Variants in FHIT observed in about 807,000 individuals in gnomAD.
FHIT encodes the protein bis(5'-adenosyl)-triphosphatase.
Under a neutral mutation model 17.9 loss-of-function variants are expected in FHIT, and 19 were observed. The observed-to-expected ratio is 1.06, with a 90% CI of 0.74 to 1.56. FHIT has a LOEUF of 1.56. FHIT is among the 40% of genes most tolerant of loss of function. The pLI is 0.00. For synonymous variants in FHIT, 81 were observed against 69.7 expected (o/e 1.16, Z -0.81); for missense variants, 248 against 189.2 (o/e 1.31, Z -1.82).
Position 60,256,921 on chromosome 3 carries a change from C to G in FHIT, c.104-242769G>C, listed in dbSNP as rs144899488. On this transcript the variant is annotated intron_variant, in intron 5 of 9. Transcript: ENST00000492590. ...AACCTACGCAATGTCTAGGTCTGTT[C>G]AGTGTCTTCAAGGTATTTTACAACT... Among the ~76,000 whole-genome samples, 7 of 152,266 alleles carry G rather than the reference C, an allele frequency of 4.6e-5. No individual in the cohort carries two copies. The East Asian group carries it at 1.3e-3, about 29-fold the overall frequency.
chr3:60,746,595 G>A (rs1005649056), intron 4 of FHIT, among the ~76,000 whole-genome samples: 6 of 152,188 alleles, frequency 3.9e-5, no homozygotes, highest in Non-Finnish European at 7.3e-5. Context: ...AAGGAAGAGA[G>A]AGTAAGAAGG....
At chr3:61,093,523 T>C (rs917714173) in intron 2 of FHIT, among the ~76,000 whole-genome samples, 1 of 151,814 alleles carries the variant, frequency 6.6e-6, no homozygotes, top group Non-Finnish European at 1.5e-5. Context: ...CAGAAAGAGA[T>C]TGAGAAAGAG....
chr3:59,815,453 C>T (rs541378955), intron 8 of FHIT, among the ~76,000 whole-genome samples: 19 of 152,102 alleles, frequency 1.2e-4, no homozygotes, highest in Admixed American at 9.8e-4. Context: ...CAGAATAATT[C>T]GCAATTGCAA....
chr3:60,195,309 G>A (rs962655089), intron 5 of FHIT, among the ~76,000 whole-genome samples: 10 of 151,830 alleles, frequency 6.6e-5, no homozygotes, highest in African/African-American at 2.4e-4. Context: ...CACTTCTGGT[G>A]GAAATGAAAT....
At position 59,934,558 on chromosome 3, in the gene FHIT, G is replaced by A. The variant is rs74278834; in HGVS notation, c.280-12144C>T. 9.0e-3 allele frequency among the ~76,000 whole-genome samples: 1,374 copies of A among 152,256 alleles called. 35 individuals carry two copies. The highest frequency in any genetic ancestry group is 0.085 in the East Asian group (442 of 5,172). On this transcript the variant is annotated intron_variant, in intron 7 of 9. Transcript: ENST00000492590. ...CTTAAAGCTATTTAATGAGAAGAGA[G>A]TAGATGTATTAGTCTGTTCTCACAC... is the stretch of plus-strand genomic sequence containing the variant.
intron 5 of FHIT, among the ~76,000 whole-genome samples, chr3:60,162,644 T>A (rs1402248167): frequency 6.6e-6 from 1 of 152,200 alleles, no homozygotes; most frequent in Non-Finnish European, 1.5e-5. Flanking sequence ...ATGAAATGCA[T>A]TTCATTTTTA....
chr3:61,102,460 A>G (rs971260542), intron 2 of FHIT, among the ~76,000 whole-genome samples: 3 of 152,148 alleles, frequency 2.0e-5, no homozygotes, highest in Non-Finnish European at 4.4e-5. Flanking sequence ...GTTTGCCAGT[A>G]TTTTATTGAG....
intron 1 of FHIT, among the ~76,000 whole-genome samples, chr3:61,203,024 C>G (rs2039078649): frequency 6.6e-6 from 1 of 151,862 alleles, no homozygotes; most frequent in Admixed American, 6.6e-5. Flanking sequence ...ACTAAAAATA[C>G]AAAAAATTAG....
chr3:59,853,408 A>G (rs553726368), intron 8 of FHIT, among the ~76,000 whole-genome samples: 75 of 152,326 alleles, frequency 4.9e-4, no homozygotes, highest in African/African-American at 1.8e-3. Context: ...ACTTTCTATC[A>G]TTGAGGTACA....
intron 2 of FHIT, among the ~76,000 whole-genome samples, chr3:61,137,513 G>T (rs1489979082): frequency 5.9e-5 from 9 of 151,930 alleles, no homozygotes; most frequent in African/African-American, 1.9e-4. Context: ...TGCAATCACT[G>T]GTGTACTTGC....
At chr3:60,733,703 C>G (rs1476491286) in intron 4 of FHIT, among the ~76,000 whole-genome samples, 1 of 152,186 alleles carries the variant, frequency 6.6e-6, no homozygotes, top group Non-Finnish European at 1.5e-5. Flanking sequence ...TATGTATGCT[C>G]TGTGGTCCAT....
At chr3:60,208,829 T>C (rs573515774) in intron 5 of FHIT, among the ~76,000 whole-genome samples, 73 of 152,254 alleles carry the variant, frequency 4.8e-4, no homozygotes, top group African/African-American at 1.5e-3. Flanking sequence ...CAGAGAGCCA[T>C]TTAGCTCTAA....
chr3:59,855,937 C>T (rs1196431211), intron 8 of FHIT, among the ~76,000 whole-genome samples: 3 of 106,302 alleles, frequency 2.8e-5, no homozygotes, highest in East Asian at 2.9e-4. Flanking sequence ...CCCGCCACCA[C>T]GCCCGGCTAA....
At chr3:61,041,245 G>A (rs1468752030) in intron 3 of FHIT, among the ~76,000 whole-genome samples, 4 of 151,808 alleles carry the variant, frequency 2.6e-5, no homozygotes, top group African/African-American at 4.8e-5. Flanking sequence ...TAGGTGTGGT[G>A]GCACGCCTCT....
chr3:59,996,627 C>T (rs566779289), intron 7 of FHIT, among the ~76,000 whole-genome samples: 7 of 152,106 alleles, frequency 4.6e-5, no homozygotes, highest in African/African-American at 1.7e-4. Context: ...CCAAAGAGTC[C>T]AAAGGGCTCC....
chr3:61,202,957 G>C (rs2039075856), intron 1 of FHIT, among the ~76,000 whole-genome samples: 1 of 152,018 alleles, frequency 6.6e-6, no homozygotes, highest in South Asian at 2.1e-4. Flanking sequence ...GAGGCAGGCA[G>C]ATCACGAGGT....
intron 5 of FHIT, among the ~76,000 whole-genome samples, chr3:60,245,009 A>G (rs1412754462): frequency 6.6e-6 from 1 of 152,028 alleles, no homozygotes; most frequent in Non-Finnish European, 1.5e-5. Flanking sequence ...GTAATTCAAA[A>G]TTGTGTTTAG....
chr3:60,736,820 A>T (rs1237556514), intron 4 of FHIT, among the ~76,000 whole-genome samples: 2 of 152,246 alleles, frequency 1.3e-5, no homozygotes, highest in Non-Finnish European at 2.9e-5. Context: ...AAAATATCTT[A>T]TAGAAAAAAA....
chr3:61,047,014 T>C (rs1009135788), intron 2 of FHIT, among the ~76,000 whole-genome samples: 1 of 152,222 alleles, frequency 6.6e-6, no homozygotes, highest in Non-Finnish European at 1.5e-5. Context: ...GAGCTATTTA[T>C]GACAAACCCA....
Sources: allele counts gnomAD v4.1 joint callset (sites outside exome capture counted in the v4.1 genomes callset), GRCh38; gene constraint gnomAD v4.1.1; transcripts MANE v1.5; gene names NCBI Gene and HGNC (gene_info 2026-07-23, HGNC 2026-07-21).